ZBTB7C: variants seen among roughly 807,000 people sequenced by gnomAD.
ZBTB7C encodes zinc finger and BTB domain containing 7C, also known as zinc finger and BTB domain-containing protein 7C.
Under a neutral mutation model 25.7 loss-of-function variants are expected in ZBTB7C, and 8 were observed. The ratio of observed to expected loss-of-function variants is 0.31; its 90% CI spans 0.18 to 0.56. The LOEUF is 0.56. ZBTB7C is among the 20% of genes least tolerant of loss of function. The probability of loss-of-function intolerance (pLI) is 0.91; values close to 1 mark genes in which losing one functional copy is unlikely to be tolerated. For synonymous variants in ZBTB7C, 394 were observed against 369.0 expected (o/e 1.07, Z -0.78); for missense variants, 824 against 855.2 (o/e 0.96, Z 0.46).
intron 3 of ZBTB7C, chr18:48,185,396 C>CA (rs1187379990): frequency 7.5e-6 from 3 of 397,596 alleles, no homozygotes; most frequent in Non-Finnish European, 1.5e-5. Context: ...TCCTCCAAAA[C>CA]AGAGCCAATG....
chr18:48,112,539 G>A lies in ZBTB7C; in HGVS notation c.-16-71416C>T, dbSNP rs999260981. 2.0e-5 allele frequency among the ~76,000 whole-genome samples: 3 copies of A among 151,972 alleles called. No homozygotes were observed. In the East Asian group the frequency reaches 5.8e-4, roughly 29 times the overall value. ...ATTTTTATATTTTTAGTAGAGATGGGGTTTCACCATGTTGGCCAGGCTAGT... is the reference window on the plus strand; with the variant it reads ...ATTTTTATATTTTTAGTAGAGATGGAGTTTCACCATGTTGGCCAGGCTAGT... On this transcript the variant is annotated intron_variant, in intron 3 of 4. Transcript: ENST00000590800.
At chr18:48,272,174 A>G (rs1440148067) in intron 2 of ZBTB7C, among the ~76,000 whole-genome samples, 1 of 152,222 alleles carries the variant, frequency 6.6e-6, no homozygotes, top group East Asian at 1.9e-4. Flanking sequence ...GATGAGATTA[A>G]CATTTGAATC....
chr18:48,029,433 G>C lies in ZBTB7C; in HGVS notation c.1687C>G (p.Gln563Glu). 6.3e-7 allele frequency: 1 copy of C among 1,590,310 alleles called. No individual in the cohort carries two copies. Among genetic ancestry groups the C allele is most frequent in the Non-Finnish European group, 8.5e-7 (1 of 1,172,052 alleles). The change falls in exon 5 of 5, where the codon CAG (glutamine) becomes GAG (glutamate). Residue 563 changes from glutamine to glutamate, a missense_variant. This residue lies in a region of ZBTB7C where 342 missense variants were observed against 307.0 expected (regional missense o/e 1.11). Transcript: ENST00000590800. ...CCCGCGTTCCTCTCAGCCTCCAGCT[G>C]CGCGCGCCCGAACAGCTTCATCTGT... The part of the protein sequence containing the change: ...ETQMKLFGRA[Q>E]LEAERNAGGL...
intron 3 of ZBTB7C, among the ~76,000 whole-genome samples, chr18:48,073,336 G>A (rs1398761719): frequency 6.6e-6 from 1 of 152,144 alleles, no homozygotes; most frequent in Non-Finnish European, 1.5e-5. Flanking sequence ...AGCAAATCAG[G>A]AACAGATGTA....
chr18:48,039,811 C>CT, intron 4 of ZBTB7C, 89 bp downstream of exon 4: 1 of 1,390,844 alleles, frequency 7.2e-7, no homozygotes, highest in Admixed American at 1.7e-5. Flanking sequence ...ATCTGGGTCT[C>CT]TGTCTCCACC....
At chr18:48,135,706 A>G (rs2040130039) in intron 3 of ZBTB7C, among the ~76,000 whole-genome samples, 1 of 152,084 alleles carries the variant, frequency 6.6e-6, no homozygotes, top group African/African-American at 2.4e-5. Context: ...TGGAGCTGAA[A>G]CTTGAACCTG....
chr18:48,234,246 T>C (rs1274890722), intron 2 of ZBTB7C, among the ~76,000 whole-genome samples: 4 of 152,196 alleles, frequency 2.6e-5, no homozygotes, highest in South Asian at 2.1e-4. Flanking sequence ...TTATATACTA[T>C]ACCATATTCA....
chr18:48,292,946 A>T (rs2045276469), intron 2 of ZBTB7C, among the ~76,000 whole-genome samples: 1 of 152,032 alleles, frequency 6.6e-6, no homozygotes, highest in Admixed American at 6.5e-5. Context: ...TGACACCCCC[A>T]CCCCTGCCAT....
chr18:48,068,740 G>A (rs149267949), intron 3 of ZBTB7C, among the ~76,000 whole-genome samples: 1 of 152,240 alleles, frequency 6.6e-6, no homozygotes, highest in African/African-American at 2.4e-5. Flanking sequence ...GCAGGCTCCT[G>A]GCATCTCCAG....
At chr18:48,308,518 C>G (rs1208748065) in intron 2 of ZBTB7C, among the ~76,000 whole-genome samples, 2 of 152,234 alleles carry the variant, frequency 1.3e-5, no homozygotes, top group East Asian at 3.8e-4. Context: ...CTGACCATTA[C>G]TAGGCTGGGT....
chr18:48,097,394 A>G (rs2038675209), intron 3 of ZBTB7C, among the ~76,000 whole-genome samples: 3 of 149,664 alleles, frequency 2.0e-5, no homozygotes, highest in South Asian at 4.2e-4. Flanking sequence ...TATTATTATT[A>G]TTATTATTAT....
chr18:48,067,005 G>A (rs1036049887), intron 3 of ZBTB7C, among the ~76,000 whole-genome samples: 1 of 152,210 alleles, frequency 6.6e-6, no homozygotes, highest in African/African-American at 2.4e-5. Flanking sequence ...AGGAGACTGA[G>A]GCAGGAGAAT....
At chr18:48,189,960 T>C (rs550261630) in intron 2 of ZBTB7C, among the ~76,000 whole-genome samples, 1 of 152,232 alleles carries the variant, frequency 6.6e-6, no homozygotes, top group East Asian at 1.9e-4. Flanking sequence ...AGGTGAGAAA[T>C]GGAAGCAACA....
chr18:48,121,263 T>G (rs1030733095), intron 3 of ZBTB7C, among the ~76,000 whole-genome samples: 1 of 152,166 alleles, frequency 6.6e-6, no homozygotes, highest in African/African-American at 2.4e-5. Context: ...TAAGCAACTG[T>G]CAGACATCAT....
At chr18:48,388,940 A>G (rs2047814287) in intron 1 of ZBTB7C, among the ~76,000 whole-genome samples, 1 of 152,154 alleles carries the variant, frequency 6.6e-6, no homozygotes, top group African/African-American at 2.4e-5. Flanking sequence ...TTAAGAGTTC[A>G]AAGACTACAC....
intron 3 of ZBTB7C, among the ~76,000 whole-genome samples, chr18:48,179,908 T>TCCTTC (rs1568282404): frequency 7.4e-6 from 1 of 134,824 alleles, no homozygotes; most frequent in African/African-American, 3.1e-5. Context: ...TCTCCTTCCT[T>TCCTTC]CCTCCCTTCC....
chr18:48,297,693 T>G (rs1477531596), intron 2 of ZBTB7C, among the ~76,000 whole-genome samples: 1 of 152,198 alleles, frequency 6.6e-6, no homozygotes, highest in Non-Finnish European at 1.5e-5. Flanking sequence ...CATTGTCCCC[T>G]TCAGTCAGAA....
rs143647757 is a variant in ZBTB7C at position 48,356,474 on chromosome 18, G to A, written c.-303-18076C>T. ...CAACCAAGCAATTCACCCCAACTGT[G>A]CTACGGGCTTTTCCAACACAAAGCA... On this transcript the variant is annotated intron_variant, in intron 1 of 4. Coordinates refer to ENST00000590800, the MANE Select transcript of ZBTB7C (RefSeq NM_001318841.2). Among the ~76,000 whole-genome samples the A allele has an allele frequency of 1.6e-3, 246 of 152,298 alleles. 1 individual carries two copies. Among genetic ancestry groups the A allele is most frequent in the Middle Eastern group, 6.8e-3 (2 of 294 alleles).
At chr18:48,225,685 A>G (rs1388807777) in intron 2 of ZBTB7C, among the ~76,000 whole-genome samples, 1 of 152,176 alleles carries the variant, frequency 6.6e-6, no homozygotes, top group Non-Finnish European at 1.5e-5. Context: ...CCAGGGCTCC[A>G]GAGGTCTTGA....
Sources: gnomAD v4.1 joint callset for allele counts (sites outside exome capture counted in the v4.1 genomes callset) on GRCh38, gnomAD v4.1.1 for gene constraint, gnomAD v4.1.1 regional missense constraint, MANE v1.5 for transcripts, NCBI Gene and HGNC (gene_info 2026-07-23, HGNC 2026-07-21) for gene names.